The following SLC29A2 variants were observed in gnomAD, a reference collection of about 807,000 sequenced individuals.
The protein encoded by SLC29A2 is equilibrative nucleoside transporter 2.
Under a neutral mutation model 48.8 loss-of-function variants are expected in SLC29A2, and 37 were observed. The observed-to-expected ratio is 0.76, with a 90% confidence interval of 0.58 to 1.00. The LOEUF is 1.00. SLC29A2 is among the 50% of genes least tolerant of loss of function. SLC29A2 has a pLI of 0.00. For missense variants in SLC29A2, 533 were observed against 578.6 expected, an observed-to-expected ratio of 0.92 and a Z score of 0.81; for synonymous variants, 233 against 261.7, an observed-to-expected ratio of 0.89 and a Z score of 1.06.
chr11:66,371,685 G>T lies in SLC29A2; in HGVS notation c.-94C>A. 1 of 1,302,040 alleles carries T rather than the reference G, an allele frequency of 7.7e-7. No individual in the cohort carries two copies. Among genetic ancestry groups the T allele is most frequent in the Non-Finnish European group, 1.1e-6 (1 of 948,314 alleles). 80.7% of individuals were successfully genotyped at this position (1,302,040 alleles called of 1,614,324 possible). On this transcript the variant is annotated 5_prime_UTR_variant, in exon 1 of 12. Transcript: ENST00000357440. Reference sequence around the variant, plus strand: ...GAGGGCCGCAGACCGGTGGGGCGGGGGGCGGGTCTCCCCAGATTCCGGTGC... The same window carrying T: ...GAGGGCCGCAGACCGGTGGGGCGGGTGGCGGGTCTCCCCAGATTCCGGTGC...
chr11:66,371,500 G>A lies in SLC29A2; in HGVS notation c.29+63C>T, dbSNP rs1856038555. 3.9e-6 allele frequency: 6 copies of A among 1,535,932 alleles called. No homozygotes were observed. The African/African-American group carries it at 8.2e-5, about 21-fold the overall frequency. On this transcript the variant is annotated intron_variant, in intron 1 of 11. Coordinates refer to ENST00000357440, the MANE Select transcript of SLC29A2 (RefSeq NM_001532.3). Reference sequence around the variant, plus strand: ...GATCCGGTCTTCTCTGAGCCTCGGAGCGCCTTCAGGGAGCGGGTCTGCAAC... The same window carrying A: ...GATCCGGTCTTCTCTGAGCCTCGGAACGCCTTCAGGGAGCGGGTCTGCAAC...
Position 66,369,542 on chromosome 11 carries a change from G to C in SLC29A2, c.112-10C>G. The C allele has an allele frequency of 6.2e-7, 1 of 1,613,588 alleles. No individual in the cohort carries two copies. The highest frequency in any genetic ancestry group is 8.5e-7 in the Non-Finnish European group (1 of 1,179,840). ...GTCGCGCCTGGAAGTACTGCCAGGT[G>C]GGGAGGTGGTGGAGGGTCAGCACCT... On this transcript the variant is annotated splice_polypyrimidine_tract_variant and intron_variant, in intron 2 of 11. Transcript: ENST00000357440.
At chr11:66,363,832 T>G in intron 11 of SLC29A2, 1 of 532,468 alleles carries the variant, frequency 1.9e-6, no homozygotes, top group Non-Finnish European at 3.4e-6. Context: ...CTCTCTGGAT[T>G]CTCCACTCCA....
chr11:66,366,119 C>T lies in SLC29A2; in HGVS notation c.973+7G>A, dbSNP rs773977642. The T allele has an allele frequency of 6.2e-7, 1 of 1,612,964 alleles. No individual in the cohort carries two copies. The highest frequency in any genetic ancestry group is 2.2e-5 in the East Asian group (1 of 44,860). ...TGCCCTGCCGTCTTCTCCACCCTGA[C>T]ACTCACTCCACTTCCCAGGACTGGT... On this transcript the variant is annotated splice_region_variant and intron_variant, in intron 9 of 11. Coordinates refer to ENST00000357440, the MANE Select transcript of SLC29A2 (RefSeq NM_001532.3).
In SLC29A2 at chr11:66,366,246, CA is replaced by C; in HGVS notation, c.868-16del. On this transcript the variant is annotated splice_polypyrimidine_tract_variant and intron_variant, in intron 8 of 11. Transcript: ENST00000357440. ...GTCAGCCAGATCTGGGAGCCAGAGG[CA>C]GGGGTGTGAGCAGGCAGGGCAGTCC... The C allele has an allele frequency of 6.2e-7, 1 of 1,611,996 alleles. No homozygotes were observed. The highest frequency in any genetic ancestry group is 1.1e-5 in the South Asian group (1 of 91,004).
intron 5 of SLC29A2, 101 bp downstream of exon 5, chr11:66,368,436 C>G (rs186890302): frequency 1.3e-6 from 2 of 1,499,410 alleles, no homozygotes; most frequent in African/African-American, 1.4e-5. Flanking sequence ...CTGCTTACCT[C>G]CATCTTCACC....
intron 1 of SLC29A2, 97 bp downstream of exon 1, chr11:66,371,466 T>C: frequency 2.0e-6 from 3 of 1,501,624 alleles, no homozygotes; most frequent in Non-Finnish European, 2.7e-6. Context: ...CTGATGGGAA[T>C]TGTAGTTCGA....
chr11:66,370,672 A>C (rs1855983556), intron 2 of SLC29A2, among the ~76,000 whole-genome samples: 1 of 152,014 alleles, frequency 6.6e-6, no homozygotes, highest in Non-Finnish European at 1.5e-5. Context: ...CCTGGCTAAC[A>C]CGGTGAAACC....
At chr11:66,367,912 G>A (rs371357172) in intron 5 of SLC29A2, 43 bp from the exon 6 acceptor site, 31 of 1,537,988 alleles carry the variant, frequency 2.0e-5, no homozygotes, top group East Asian at 4.6e-5. Flanking sequence ...ACCTGGTCCC[G>A]CCGGCTCCCA....
At chr11:66,364,681 T>A (rs899247682) in intron 10 of SLC29A2, 119 of 356,762 alleles carry the variant, frequency 3.3e-4, no homozygotes, top group African/African-American at 2.2e-3. Context: ...ATAATTTTTA[T>A]ATTTTTAGTA....
At chr11:66,368,942 C>G (rs1263477045) in intron 4 of SLC29A2, 118 bp downstream of exon 4, 1 of 1,372,422 alleles carries the variant, frequency 7.3e-7, no homozygotes, top group Non-Finnish European at 1.0e-6. Context: ...GTTTCTTCAC[C>G]AGGGATATGA....
At chr11:66,366,098 C>T (rs1362688794) in intron 9 of SLC29A2, 28 bp downstream of exon 9, 1 of 1,606,460 alleles carries the variant, frequency 6.2e-7, no homozygotes, top group Non-Finnish European at 8.5e-7. Flanking sequence ...ACCCCCTGCC[C>T]TGCCGTCTTC....
At position 66,371,674 on chromosome 11, in the gene SLC29A2, G is replaced by C. The variant is rs970679954; in HGVS notation, c.-83C>G. 18 of 1,381,466 alleles carry C rather than the reference G, an allele frequency of 1.3e-5. No homozygotes were observed. Among genetic ancestry groups the C allele is most frequent in the East Asian group, 1.3e-4 (5 of 39,552 alleles). 85.6% of individuals were successfully genotyped at this position (1,381,466 alleles called of 1,614,324 possible). A position where few individuals can be genotyped will look rare whatever the true frequency, so the allele number is the denominator to read the frequency against. On this transcript the variant is annotated 5_prime_UTR_variant, in exon 1 of 12. Coordinates refer to ENST00000357440, the MANE Select transcript of SLC29A2 (RefSeq NM_001532.3). Reference sequence around the variant, plus strand: ...GCGCTGGGGCGGAGGGCCGCAGACCGGTGGGGCGGGGGGCGGGTCTCCCCA... The same window carrying C: ...GCGCTGGGGCGGAGGGCCGCAGACCCGTGGGGCGGGGGGCGGGTCTCCCCA...
In SLC29A2 at chr11:66,367,493, A is replaced by G. The variant is rs765017799; in HGVS notation, c.704T>C (p.Leu235Pro). Residue 235 changes from leucine (L) to proline (P), a missense_variant, in exon 7 of 12, where the codon CTG (leucine) becomes CCG (proline). Physicochemically the swap from Leu to Pro is moderately conservative, Grantham distance 98 (BLOSUM62 -3). Transcript: ENST00000357440. ...NKSSQAQAQE[L>P]ETKAELLQSD... ...CTGGAGGAGCTCAGCTTTGGTCTCC[A>G]GCTCCTGAGCTTGGGCCTGGGATGA... The G allele has an allele frequency of 6.2e-7, 1 of 1,614,162 alleles. No homozygotes were observed. Among genetic ancestry groups the G allele is most frequent in the Non-Finnish European group, 8.5e-7 (1 of 1,180,020 alleles).
chr11:66,370,858 CAAAA>C lies in SLC29A2; in HGVS notation c.111+382_111+385del, dbSNP rs35962792. On this transcript the variant is annotated intron_variant, in intron 2 of 11. Transcript: ENST00000357440. ...TGGGCGAAAGAGCCAGACTCTGTCTCAAAAAAAAAAAAAAAAAAAAAGTTTGTTG... is the reference window on the plus strand; with the variant it reads ...TGGGCGAAAGAGCCAGACTCTGTCTCAAAAAAAAAAAAAAAAAGTTTGTTG... 4.3e-5 allele frequency among the ~76,000 whole-genome samples: 4 copies of C among 92,234 alleles called. No homozygotes were observed. The South Asian group carries it at 1.3e-3, about 29-fold the overall frequency. 60.5% of individuals were successfully genotyped at this position (92,234 alleles called of 152,430 possible). A position where few individuals can be genotyped will look rare whatever the true frequency, so the allele number is the denominator to read the frequency against.
intron 10 of SLC29A2, 113 bp from the exon 11 acceptor site, chr11:66,364,537 T>C (rs1158004689): frequency 1.3e-6 from 1 of 759,980 alleles, no homozygotes; most frequent in African/African-American, 1.8e-5. Context: ...GGAGTCTCGC[T>C]CTGTTGCCCA....
In SLC29A2 at chr11:66,369,069, A is replaced by G; in HGVS notation, c.406T>C (p.Phe136Leu). The G allele has an allele frequency of 6.2e-7, 1 of 1,600,576 alleles. No individual in the cohort carries two copies. Among genetic ancestry groups the G allele is most frequent in the Non-Finnish European group, 8.5e-7 (1 of 1,173,830 alleles). The change falls in exon 4 of 12, where the codon TTC becomes CTC. Residue 136 changes from phenylalanine (F) to leucine (L), a missense_variant. By Grantham distance (22) the Phe-to-Leu change is conservative. Coordinates refer to ENST00000357440, the MANE Select transcript of SLC29A2 (RefSeq NM_001532.3). ...GGGTGGAGGTGCTCACAGTTGATGA[A>G]GCAGACGGAGGCCATGGTGATGGAG... ...FFSITMASVC[F>L]INSFSAVLQG...
intron 2 of SLC29A2, among the ~76,000 whole-genome samples, chr11:66,370,262 T>C (rs999891349): frequency 4.6e-5 from 7 of 152,158 alleles, no homozygotes; most frequent in African/African-American, 1.7e-4. Context: ...ACTTTCTCCC[T>C]CCCCTGGGGA....
chr11:66,364,451 G>C, intron 10 of SLC29A2, 27 bp from the exon 11 acceptor site: 2 of 1,581,524 alleles, frequency 1.3e-6, no homozygotes, highest in Non-Finnish European at 1.7e-6. Context: ...AGTCAGCATG[G>C]TCCCTGGAGC....
Sources: allele counts gnomAD v4.1 joint callset (sites outside exome capture counted in the v4.1 genomes callset), GRCh38; gene constraint gnomAD v4.1.1; transcripts MANE v1.5; gene names NCBI Gene and HGNC (gene_info 2026-07-23, HGNC 2026-07-21).